GRM7: variants seen among roughly 807,000 people sequenced by gnomAD.
GRM7 encodes metabotropic glutamate receptor 7.
A neutral mutation model predicts 84.5 loss-of-function variants in GRM7; 35 were observed. That is an observed-to-expected ratio of 0.41 (90% CI 0.32 to 0.55). GRM7 has a LOEUF of 0.55. GRM7 is among the 20% of genes least tolerant of loss of function. The pLI is 0.19. For synonymous variants in GRM7, 487 were observed against 455.1 expected (o/e 1.07, Z -0.89); for missense variants, 1,003 against 1,194.6 (o/e 0.84, Z 2.36).
chr3:7,320,682 G>GTGTA (rs753806217), intron 4 of GRM7, among the ~76,000 whole-genome samples: 2,292 of 18,138 alleles, frequency 0.13, 59 homozygotes, highest in African/African-American at 0.45. Context: ...TGGGTGATCA[G>GTGTA]TGTGTGTGTG....
chr3:6,939,303 C>G (rs1157906697), intron 1 of GRM7, among the ~76,000 whole-genome samples: 1 of 152,116 alleles, frequency 6.6e-6, no homozygotes, highest in East Asian at 1.9e-4. Flanking sequence ...TGATTCACAT[C>G]ATTATCAATC....
chr3:7,679,712 G>A (rs1700284626), intron 8 of GRM7, among the ~76,000 whole-genome samples: 1 of 152,114 alleles, frequency 6.6e-6, no homozygotes, highest in Non-Finnish European at 1.5e-5. Context: ...CCTTAATCAA[G>A]ATTACAGATT....
chr3:7,245,286 C>A (rs545098930), intron 2 of GRM7, among the ~76,000 whole-genome samples: 3 of 151,716 alleles, frequency 2.0e-5, no homozygotes, highest in Admixed American at 6.6e-5. Flanking sequence ...AAAACAAGAA[C>A]CTCTAGATCA....
At chr3:7,450,860 G>A (rs1353953790) in intron 5 of GRM7, among the ~76,000 whole-genome samples, 2 of 152,020 alleles carry the variant, frequency 1.3e-5, no homozygotes, top group Non-Finnish European at 2.9e-5. Context: ...GCTCTGAAAT[G>A]GAAAAATACA....
intron 8 of GRM7, among the ~76,000 whole-genome samples, chr3:7,603,784 T>A (rs1696433949): frequency 6.6e-6 from 1 of 152,166 alleles, no homozygotes; most frequent in African/African-American, 2.4e-5. Flanking sequence ...AGGTAATTTT[T>A]AAAAAATGTT....
chr3:7,673,155 A>T (rs1194735216), intron 8 of GRM7, among the ~76,000 whole-genome samples: 1 of 152,204 alleles, frequency 6.6e-6, no homozygotes, highest in Non-Finnish European at 1.5e-5. Context: ...TGATCCCAAC[A>T]GCGTTATGAG....
intron 7 of GRM7, among the ~76,000 whole-genome samples, chr3:7,573,066 G>T (rs918468158): frequency 3.3e-5 from 5 of 150,994 alleles, no homozygotes; most frequent in African/African-American, 1.2e-4. Context: ...GTTTAAAAAT[G>T]TCTTGAGGTG....
intron 1 of GRM7, among the ~76,000 whole-genome samples, chr3:7,088,125 C>T (rs901720728): frequency 2.0e-5 from 3 of 151,398 alleles, no homozygotes; most frequent in Admixed American, 6.6e-5. Flanking sequence ...AATGAACCTG[C>T]GGATGATCCA....
intron 1 of GRM7, among the ~76,000 whole-genome samples, chr3:7,001,385 G>A (rs1355745366): frequency 6.6e-6 from 1 of 152,068 alleles, no homozygotes; most frequent in Non-Finnish European, 1.5e-5. Flanking sequence ...AAGGCTATCT[G>A]TTTGTGCACG....
At chr3:7,735,692 C>A (rs1702478684) in intron 9 of GRM7, among the ~76,000 whole-genome samples, 1 of 152,094 alleles carries the variant, frequency 6.6e-6, no homozygotes, top group Admixed American at 6.5e-5. Flanking sequence ...CATAATTATG[C>A]CTTTTAGATG....
chr3:7,437,789 C>T (rs1697121117), intron 5 of GRM7, among the ~76,000 whole-genome samples: 1 of 152,042 alleles, frequency 6.6e-6, no homozygotes, highest in South Asian at 2.1e-4. Flanking sequence ...TGTATCTTTG[C>T]ATAGCCTAAG....
chr3:7,610,211 G>A (rs1025481203), intron 8 of GRM7, among the ~76,000 whole-genome samples: 28 of 152,092 alleles, frequency 1.8e-4, no homozygotes, highest in South Asian at 2.1e-4. Flanking sequence ...AATCCTTAGC[G>A]GTCCAGTTAT....
At chr3:6,926,510 C>T (rs1293382931) in intron 1 of GRM7, among the ~76,000 whole-genome samples, 1 of 152,168 alleles carries the variant, frequency 6.6e-6, no homozygotes, top group African/African-American at 2.4e-5. Context: ...CCCTCCAAGA[C>T]CTGCACAACG....
intron 9 of GRM7, chr3:7,694,314 G>T (rs1700933902): frequency 3.6e-6 from 1 of 277,812 alleles, no homozygotes; most frequent in Admixed American, 6.5e-5. Context: ...TCAGTGTTGT[G>T]ATGGCGTCAT....
chr3:7,325,328 C>A (rs1049118772), intron 4 of GRM7, among the ~76,000 whole-genome samples: 1 of 152,108 alleles, frequency 6.6e-6, no homozygotes, highest in Non-Finnish European at 1.5e-5. Flanking sequence ...ACCAAAGGAC[C>A]AAAGATTCTC....
chr3:7,252,307 T>C (rs1698020354), intron 2 of GRM7, among the ~76,000 whole-genome samples: 2 of 152,226 alleles, frequency 1.3e-5, no homozygotes, highest in East Asian at 3.9e-4. Context: ...TTTTCCTGTC[T>C]GCCTGTTCCG....
At chr3:6,893,693 C>T (rs1316370334) in intron 1 of GRM7, among the ~76,000 whole-genome samples, 4 of 152,186 alleles carry the variant, frequency 2.6e-5, no homozygotes, top group African/African-American at 9.6e-5. Context: ...CATTTACTAA[C>T]ACCCACACAA....
At chr3:6,939,438 A>G (rs981246014) in intron 1 of GRM7, among the ~76,000 whole-genome samples, 1 of 151,974 alleles carries the variant, frequency 6.6e-6, no homozygotes, top group Non-Finnish European at 1.5e-5. Flanking sequence ...TCTGGATTAA[A>G]AAAAAAAAAC....
Position 6,876,706 on chromosome 3 carries a change from A to G in GRM7, c.519+14799A>G, listed in dbSNP as rs1416586304. 2.0e-5 allele frequency among the ~76,000 whole-genome samples: 3 copies of G among 149,934 alleles called. No homozygotes were observed. In the East Asian group the frequency reaches 5.9e-4, roughly 30 times the overall value. On this transcript the variant is annotated intron_variant, in intron 1 of 9. Coordinates refer to ENST00000357716, the MANE Select transcript of GRM7 (RefSeq NM_000844.4). Reference sequence around the variant, plus strand: ...AACCTCCGCCTCCTGGGTTCAGACGATTCTCTTGCCTCAGCCACTGGAGAA... The same window carrying G: ...AACCTCCGCCTCCTGGGTTCAGACGGTTCTCTTGCCTCAGCCACTGGAGAA...
Sources: allele counts gnomAD v4.1 joint callset (sites outside exome capture counted in the v4.1 genomes callset), GRCh38; gene constraint gnomAD v4.1.1; transcripts MANE v1.5; gene names NCBI Gene and HGNC (gene_info 2026-07-23, HGNC 2026-07-21).